Variants in GRM8 observed in about 807,000 individuals in gnomAD.
The protein encoded by GRM8 is glutamate metabotropic receptor 8, also known as metabotropic glutamate receptor 8.
Under a neutral mutation model 87.2 loss-of-function variants are expected in GRM8, and 47 were observed. That is an observed-to-expected ratio of 0.54 (90% CI 0.43 to 0.69). The LOEUF (loss-of-function observed/expected upper bound fraction) is 0.69. GRM8 is among the 30% of genes least tolerant of loss of function. GRM8 has a pLI of 0.00. For missense variants in GRM8, 1,019 were observed against 1,139.2 expected (o/e 0.89, Z 1.52); for synonymous variants, 396 against 404.5 (o/e 0.98, Z 0.25).
chr7:126,580,897 A>C (rs1795546448), intron 8 of GRM8, among the ~76,000 whole-genome samples: 1 of 152,078 alleles, frequency 6.6e-6, no homozygotes, highest in African/African-American at 2.4e-5. Context: ...AAGTATACCT[A>C]ATACCCACTT....
chr7:126,977,446 A>C (rs1206208883), intron 3 of GRM8, among the ~76,000 whole-genome samples: 1 of 152,224 alleles, frequency 6.6e-6, no homozygotes, highest in African/African-American at 2.4e-5. Context: ...TTGTCTAAGA[A>C]ATATGCTAAA....
intron 2 of GRM8, among the ~76,000 whole-genome samples, chr7:127,202,585 A>G (rs1487424735): frequency 6.6e-6 from 1 of 152,322 alleles, no homozygotes; most frequent in Non-Finnish European, 1.5e-5. Flanking sequence ...CTTACTGTAC[A>G]TATTCCTAGT....
chr7:127,097,674 A>T (rs1293425621), intron 3 of GRM8, among the ~76,000 whole-genome samples: 1 of 152,202 alleles, frequency 6.6e-6, no homozygotes, highest in Non-Finnish European at 1.5e-5. Flanking sequence ...AAGAACATTC[A>T]CAAGAATTAT....
chr7:127,086,648 ATG>A (rs1823536845), intron 3 of GRM8, among the ~76,000 whole-genome samples: 1 of 152,136 alleles, frequency 6.6e-6, no homozygotes, highest in Non-Finnish European at 1.5e-5. Context: ...TGCATAGTTT[ATG>A]TGTGTATATC....
intron 6 of GRM8, among the ~76,000 whole-genome samples, chr7:126,835,769 T>G (rs1268065620): frequency 1.3e-5 from 2 of 152,232 alleles, no homozygotes; most frequent in Non-Finnish European, 2.9e-5. Context: ...CTCTATGTCC[T>G]GTCTCTCAAA....
At chr7:126,806,260 C>A (rs774195277) in intron 6 of GRM8, among the ~76,000 whole-genome samples, 2 of 151,896 alleles carry the variant, frequency 1.3e-5, no homozygotes, top group African/African-American at 4.8e-5. Context: ...CTCTTAAAGG[C>A]GGCGCATCTG....
intron 2 of GRM8, among the ~76,000 whole-genome samples, chr7:127,130,692 C>G (rs1184429154): frequency 6.6e-6 from 1 of 152,100 alleles, no homozygotes; most frequent in African/African-American, 2.4e-5. Context: ...TATGGTTTAG[C>G]TCTGTGTGCC....
intron 8 of GRM8, among the ~76,000 whole-genome samples, chr7:126,569,145 A>G (rs1794484608): frequency 6.6e-6 from 1 of 152,140 alleles, no homozygotes; most frequent in African/African-American, 2.4e-5. Context: ...TGAACACACA[A>G]AAGATCCACA....
intron 2 of GRM8, among the ~76,000 whole-genome samples, chr7:127,129,003 A>G (rs1827528850): frequency 6.6e-6 from 1 of 152,176 alleles, no homozygotes; most frequent in Non-Finnish European, 1.5e-5. Flanking sequence ...CAACTGCATT[A>G]TCAATATTAA....
intron 3 of GRM8, among the ~76,000 whole-genome samples, chr7:126,959,612 A>G (rs1323831657): frequency 6.6e-6 from 1 of 152,202 alleles, no homozygotes; most frequent in African/African-American, 2.4e-5. Context: ...CTTCAAGGGA[A>G]AAAAATCTAA....
intron 3 of GRM8, among the ~76,000 whole-genome samples, chr7:127,077,034 G>A (rs1190139949): frequency 2.6e-5 from 4 of 152,144 alleles, no homozygotes; most frequent in African/African-American, 9.7e-5. Flanking sequence ...CCATATGTAT[G>A]TGCTGTTCTC....
rs538329942 is a variant in GRM8 at position 127,129,928 on chromosome 7, C to G, written c.511-23216G>C. 3.9e-5 allele frequency among the ~76,000 whole-genome samples: 6 copies of G among 152,234 alleles called. No homozygotes were observed. In the South Asian group the frequency reaches 1.0e-3, roughly 26 times the overall value. On this transcript the variant is annotated intron_variant, in intron 2 of 10. Transcript: ENST00000339582. The stretch of plus-strand genomic sequence containing the variant: ...ATATGGTTTGGCTCTATGTCCCCAC[C>G]CAAATCTCATCTGAGATTGTAATTC...
At chr7:126,725,377 T>A (rs866775282) in intron 7 of GRM8, among the ~76,000 whole-genome samples, 9 of 152,286 alleles carry the variant, frequency 5.9e-5, no homozygotes, top group Middle Eastern at 6.8e-3. Context: ...AGGCCCTATC[T>A]GTTCTTTCCA....
At position 126,900,525 on chromosome 7, in the gene GRM8, T is replaced by G. The variant is rs865809700; in HGVS notation, c.1156+2017A>C. Among the ~76,000 whole-genome samples, 6 of 152,272 alleles carry G rather than the reference T, an allele frequency of 3.9e-5. No individual in the cohort carries two copies. In the South Asian group the frequency reaches 1.0e-3, roughly 26 times the overall value. The stretch of plus-strand genomic sequence containing the variant: ...TGTTTGTTTTGTTTTGTTTTGTTTT[T>G]TTGGAGATAGAGTCTCACTCTGTCG... On this transcript the variant is annotated intron_variant, in intron 6 of 10. Coordinates refer to ENST00000339582, the MANE Select transcript of GRM8 (RefSeq NM_000845.3).
chr7:126,538,058 G>A (rs1039427458), intron 8 of GRM8, among the ~76,000 whole-genome samples: 26 of 152,058 alleles, frequency 1.7e-4, no homozygotes, highest in African/African-American at 5.5e-4. Context: ...GATCTTCCAG[G>A]GACAAAAAAA....
chr7:127,174,639 A>G (rs1187881470), intron 2 of GRM8, among the ~76,000 whole-genome samples: 1 of 152,216 alleles, frequency 6.6e-6, no homozygotes, highest in Non-Finnish European at 1.5e-5. Flanking sequence ...GTACTATCAG[A>G]AGCAAGATGA....
chr7:126,589,286 G>A (rs976091054), intron 8 of GRM8, among the ~76,000 whole-genome samples: 2 of 152,150 alleles, frequency 1.3e-5, no homozygotes, highest in African/African-American at 4.8e-5. Context: ...ATTGCGGGGA[G>A]GCACAGTGAG....
At chr7:126,883,626 T>G (rs1255760457) in intron 6 of GRM8, among the ~76,000 whole-genome samples, 1 of 152,176 alleles carries the variant, frequency 6.6e-6, no homozygotes, top group East Asian at 1.9e-4. Flanking sequence ...CAGACCTATG[T>G]TCTCATGAGA....
chr7:126,528,956 GATAA>G (rs1452149435), intron 9 of GRM8, among the ~76,000 whole-genome samples: 3 of 152,130 alleles, frequency 2.0e-5, no homozygotes, highest in African/African-American at 7.2e-5. Context: ...CCCTAAGGTA[GATAA>G]ATAGAGAAAA....
Sources: gnomAD v4.1 joint callset for allele counts (sites outside exome capture counted in the v4.1 genomes callset) on GRCh38, gnomAD v4.1.1 for gene constraint, MANE v1.5 for transcripts, NCBI Gene and HGNC (gene_info 2026-07-23, HGNC 2026-07-21) for gene names.